COBL: variants seen among roughly 807,000 people sequenced by gnomAD.
COBL encodes the protein cordon-bleu WH2 repeat protein.
In COBL, 51 loss-of-function variants were observed where a neutral mutation model predicts 98.8. The observed-to-expected ratio is 0.52, with a 90% CI of 0.41 to 0.65. COBL has a LOEUF of 0.65. Ranked by LOEUF, COBL falls within the 30% of genes least tolerant of loss-of-function variation. The pLI is 0.00. For synonymous variants in COBL, 634 were observed against 651.7 expected (o/e 0.97, Z 0.41); for missense variants, 1,617 against 1,617.5 (o/e 1.00, Z 0.01).
At chr7:51,288,560 C>T (rs1450329589) in intron 1 of COBL, among the ~76,000 whole-genome samples, 1 of 152,002 alleles carries the variant, frequency 6.6e-6, no homozygotes, top group Admixed American at 6.6e-5. Context: ...CGAGACCAGC[C>T]TGGCCAACAT....
At chr7:51,059,174 A>G (rs1218661943) in intron 7 of COBL, among the ~76,000 whole-genome samples, 1 of 152,210 alleles carries the variant, frequency 6.6e-6, no homozygotes, top group African/African-American at 2.4e-5. Context: ...ACTTGCTTTT[A>G]TTAATCTTTC....
chr7:51,244,353 C>A (rs1796093378), intron 1 of COBL, among the ~76,000 whole-genome samples: 1 of 152,200 alleles, frequency 6.6e-6, no homozygotes, highest in South Asian at 2.1e-4. Flanking sequence ...TCCACCAAGG[C>A]ATAAACAGAA....
intron 1 of COBL, among the ~76,000 whole-genome samples, chr7:51,263,508 T>C (rs995106112): frequency 3.3e-5 from 5 of 151,944 alleles, no homozygotes; most frequent in Non-Finnish European, 5.9e-5. Flanking sequence ...GCCTGAGCTA[T>C]GAACCAAGAC....
chr7:51,292,843 G>A (rs1407371751), intron 1 of COBL, among the ~76,000 whole-genome samples: 2 of 152,238 alleles, frequency 1.3e-5, no homozygotes, highest in Non-Finnish European at 2.9e-5. Flanking sequence ...GCCCTCTAGG[G>A]ATGCCCACGT....
chr7:51,301,047 G>A (rs1293237401), intron 1 of COBL, among the ~76,000 whole-genome samples: 1 of 152,146 alleles, frequency 6.6e-6, no homozygotes, highest in African/African-American at 2.4e-5. Context: ...CTGTTAAAAT[G>A]GGAAGAGCAC....
At chr7:51,289,578 G>GCCA (rs895079396) in intron 1 of COBL, among the ~76,000 whole-genome samples, 19 of 152,220 alleles carry the variant, frequency 1.2e-4, no homozygotes, top group African/African-American at 4.6e-4. Context: ...GTCCTAGAGT[G>GCCA]CCACCTCTCC....
chr7:51,285,608 G>A (rs979051976), intron 1 of COBL, among the ~76,000 whole-genome samples: 1 of 152,168 alleles, frequency 6.6e-6, no homozygotes, highest in African/African-American at 2.4e-5. Flanking sequence ...CAAAACACTG[G>A]TTAATGAAAT....
chr7:51,241,275 TTTAC>T (rs1170488497), intron 1 of COBL, among the ~76,000 whole-genome samples: 1 of 152,246 alleles, frequency 6.6e-6, no homozygotes, highest in African/African-American at 2.4e-5. Context: ...TAAACATTCT[TTTAC>T]TAACTGATAC....
At chr7:51,071,975 T>C (rs1353533084) in intron 7 of COBL, 2 of 152,182 alleles carry the variant, frequency 1.3e-5, no homozygotes, top group Non-Finnish European at 2.9e-5. Context: ...TGTAACTTTC[T>C]GTTTTTTTCA....
chr7:51,265,116 G>A (rs937270667), intron 1 of COBL, among the ~76,000 whole-genome samples: 1 of 152,124 alleles, frequency 6.6e-6, no homozygotes, highest in Non-Finnish European at 1.5e-5. Context: ...ACTCAAGAAA[G>A]TCTACACAGC....
intron 4 of COBL, chr7:51,188,024 G>A (rs1207597820): frequency 8.3e-7 from 1 of 1,198,790 alleles, no homozygotes; most frequent in Non-Finnish European, 1.0e-6. Flanking sequence ...CCTGACCCAG[G>A]CCTTGGCCCT....
At chr7:51,254,069 T>A (rs1363735438) in intron 1 of COBL, among the ~76,000 whole-genome samples, 1 of 132,158 alleles carries the variant, frequency 7.6e-6, no homozygotes, top group East Asian at 2.0e-4. Flanking sequence ...CCTTTTTGAG[T>A]TGTTTTTTTT....
At chr7:51,034,033 A>T (rs910784441) in intron 8 of COBL, 4 of 152,388 alleles carry the variant, frequency 2.6e-5, no homozygotes, top group African/African-American at 9.7e-5. Flanking sequence ...GCCTTTCTGG[A>T]GTCTGGGGAC....
At chr7:51,127,933 G>A (rs987161599) in intron 6 of COBL, among the ~76,000 whole-genome samples, 7 of 152,224 alleles carry the variant, frequency 4.6e-5, no homozygotes, top group African/African-American at 1.4e-4. Context: ...TGCTCCCACG[G>A]TATTCCAGAA....
intron 7 of COBL, chr7:51,065,314 G>T: frequency 1.4e-6 from 1 of 703,492 alleles, no homozygotes; most frequent in East Asian, 2.7e-5. Flanking sequence ...AGAGAAACAG[G>T]AACACTTGAT....
chr7:51,248,044 TG>T (rs1435793513), intron 1 of COBL, among the ~76,000 whole-genome samples: 1 of 151,508 alleles, frequency 6.6e-6, no homozygotes, highest in Non-Finnish European at 1.5e-5. Context: ...GAGGCTGAGG[TG>T]GGAGAATTGT....
chr7:51,229,533 T>C (rs1299980469), intron 1 of COBL, among the ~76,000 whole-genome samples: 1 of 152,274 alleles, frequency 6.6e-6, no homozygotes, highest in East Asian at 1.9e-4. Flanking sequence ...GCCCAGGTGA[T>C]CCCTTCAGGA....
At chr7:51,076,586 T>C (rs1339620939) in intron 7 of COBL, among the ~76,000 whole-genome samples, 1 of 152,248 alleles carries the variant, frequency 6.6e-6, no homozygotes, top group Non-Finnish European at 1.5e-5. Context: ...TCTCTTCTAA[T>C]TCAAAATAGA....
chr7:51,275,052 G>A (rs1799168966), intron 1 of COBL, among the ~76,000 whole-genome samples: 1 of 152,242 alleles, frequency 6.6e-6, no homozygotes, highest in Non-Finnish European at 1.5e-5. Flanking sequence ...CTTCCAGGGA[G>A]ACAGAGCAGT....
Sources: gnomAD v4.1 joint callset for allele counts (sites outside exome capture counted in the v4.1 genomes callset) on GRCh38, gnomAD v4.1.1 for gene constraint, MANE v1.5 for transcripts, NCBI Gene and HGNC (gene_info 2026-07-23, HGNC 2026-07-21) for gene names.